Variants in PATJ observed in about 807,000 individuals in gnomAD.
PATJ encodes the protein PATJ crumbs cell polarity complex component, also known as inaD-like protein.
In PATJ, 190 loss-of-function variants were observed where a neutral mutation model predicts 224.9. The observed-to-expected ratio is 0.84, with a 90% CI of 0.75 to 0.95. The LOEUF (loss-of-function observed/expected upper bound fraction) is 0.95, where lower values mean the gene tolerates loss of function less well. PATJ is among the 40% of genes least tolerant of loss of function. PATJ has a pLI of 0.00. For missense variants in PATJ, 2,121 were observed against 2,270.3 expected, an observed-to-expected ratio of 0.93 and a Z score of 1.34; for synonymous variants, 769 against 820.3, an observed-to-expected ratio of 0.94 and a Z score of 1.07.
intron 13 of PATJ, among the ~76,000 whole-genome samples, chr1:61,806,199 T>C (rs1294912394): frequency 2.0e-5 from 3 of 152,242 alleles, no homozygotes. Context: ...TTTACATTTC[T>C]ACTCTCATTC....
At chr1:61,824,963 A>T (rs930107659) in intron 15 of PATJ, among the ~76,000 whole-genome samples, 1 of 152,152 alleles carries the variant, frequency 6.6e-6, no homozygotes, top group Non-Finnish European at 1.5e-5. Context: ...AAATATAGAT[A>T]ATCTGGTGAA....
chr1:62,038,131 T>G (rs1650792829), intron 30 of PATJ, 82 bp downstream of exon 30: 1 of 879,780 alleles, frequency 1.1e-6, no homozygotes, highest in Admixed American at 2.1e-5. Context: ...TTTTTGATAT[T>G]CAGTATTTGG....
intron 31 of PATJ, among the ~76,000 whole-genome samples, chr1:62,075,760 T>C (rs1658182972): frequency 6.6e-6 from 1 of 151,596 alleles, no homozygotes; most frequent in Non-Finnish European, 1.5e-5. Context: ...CTACTAAAAA[T>C]ACAAAAAATT....
intron 31 of PATJ, among the ~76,000 whole-genome samples, chr1:62,071,552 G>A (rs1402709763): frequency 1.4e-5 from 2 of 147,714 alleles, no homozygotes; most frequent in Admixed American, 6.9e-5. Context: ...GAGTGCAGTG[G>A]TGCAATCTCA....
intron 8 of PATJ, among the ~76,000 whole-genome samples, chr1:61,790,583 G>A (rs535040363): frequency 7.1e-6 from 1 of 141,646 alleles, no homozygotes; most frequent in Non-Finnish European, 1.5e-5. Flanking sequence ...GTGTGATCTC[G>A]GCTCACTGCA....
chr1:61,867,811 G>A (rs1274804369), intron 20 of PATJ, among the ~76,000 whole-genome samples: 1 of 152,020 alleles, frequency 6.6e-6, no homozygotes, highest in Non-Finnish European at 1.5e-5. Flanking sequence ...TGCCCCCATT[G>A]TATTGCTGAT....
rs141802668 is a variant in PATJ at position 62,112,877 on chromosome 1, G to A, written c.4462-1176G>A. Among the ~76,000 whole-genome samples, 260 of 152,296 alleles carry A rather than the reference G, an allele frequency of 1.7e-3. 3 individuals carry two copies. The highest frequency in any genetic ancestry group is 5.6e-3 in the African/African-American group (234 of 41,562). On this transcript the variant is annotated intron_variant, in intron 34 of 43. Transcript: ENST00000642238. The stretch of plus-strand genomic sequence containing the variant: ...CATTCTAAGAGTTAATGATGAGGCA[G>A]CATGGAATAGGAACTGAGGGTGGAA...
At chr1:62,030,461 C>T (rs1323626510) in intron 29 of PATJ, among the ~76,000 whole-genome samples, 1 of 152,056 alleles carries the variant, frequency 6.6e-6, no homozygotes, top group Non-Finnish European at 1.5e-5. Flanking sequence ...TGTGCCTTTG[C>T]TTATATTCAT....
At chr1:61,893,488 T>G (rs1274438123) in intron 22 of PATJ, among the ~76,000 whole-genome samples, 2 of 89,316 alleles carry the variant, frequency 2.2e-5, no homozygotes, top group African/African-American at 1.2e-4. Flanking sequence ...TTAGGGTGTT[T>G]TTTTTTTTTT....
intron 28 of PATJ, among the ~76,000 whole-genome samples, chr1:61,999,110 G>A (rs1645588703): frequency 6.6e-6 from 1 of 151,824 alleles, no homozygotes; most frequent in Admixed American, 6.6e-5. Context: ...AAAAAATAGC[G>A]ACAGGAATGT....
intron 8 of PATJ, 105 bp downstream of exon 8, chr1:61,788,077 G>A (rs368995512): frequency 3.6e-6 from 3 of 827,324 alleles, no homozygotes; most frequent in South Asian, 3.7e-5. Context: ...TGTGAGTTGT[G>A]CGCTCACTAG....
intron 41 of PATJ, among the ~76,000 whole-genome samples, chr1:62,135,287 TG>T (rs111837829): frequency 4.6e-5 from 7 of 150,888 alleles, no homozygotes; most frequent in South Asian, 2.1e-4. Context: ...GAGGCCGAGG[TG>T]GGGGGGATCG....
At chr1:61,748,830 T>C (rs1398605329) in intron 1 of PATJ, among the ~76,000 whole-genome samples, 1 of 152,042 alleles carries the variant, frequency 6.6e-6, no homozygotes. Context: ...CTAGTTTTTG[T>C]TTTTGTAGAG....
At chr1:62,009,446 G>A (rs371563538) in intron 28 of PATJ, among the ~76,000 whole-genome samples, 12 of 152,114 alleles carry the variant, frequency 7.9e-5, no homozygotes, top group African/African-American at 2.9e-4. Context: ...TCTAAAAATT[G>A]CTAACGATCA....
chr1:61,838,017 T>C (rs1272394038), intron 17 of PATJ, among the ~76,000 whole-genome samples: 1 of 152,142 alleles, frequency 6.6e-6, no homozygotes, highest in Non-Finnish European at 1.5e-5. Context: ...GTGTGAAAAT[T>C]CATTTCATTA....
chr1:61,929,333 T>G (rs530016689), intron 27 of PATJ, among the ~76,000 whole-genome samples: 8 of 152,224 alleles, frequency 5.3e-5, no homozygotes, highest in African/African-American at 1.9e-4. Context: ...TGTGAGTTTT[T>G]GGAAAAGTTA....
At chr1:61,825,008 A>G (rs1200374549) in intron 15 of PATJ, among the ~76,000 whole-genome samples, 1 of 152,178 alleles carries the variant, frequency 6.6e-6, no homozygotes, top group African/African-American at 2.4e-5. Flanking sequence ...ACAGATTTGG[A>G]GTCAGAAAAG....
In PATJ at chr1:62,106,117, CACAA is replaced by C. The variant is rs1475117976; in HGVS notation, c.4378-2316_4378-2313del. 5.5e-5 allele frequency among the ~76,000 whole-genome samples: 5 copies of C among 90,518 alleles called. No homozygotes were observed. In the East Asian group the frequency reaches 1.2e-3, roughly 22 times the overall value. The allele number at this position is 90,518 out of a possible 152,430, so 59.4% of individuals were successfully genotyped here. ...ACACACACACACACACACACACACACACAAACACACATATATACATGTGTATATG... is the reference window on the plus strand; with the variant it reads ...ACACACACACACACACACACACACACACACACATATATACATGTGTATATG... On this transcript the variant is annotated intron_variant, in intron 33 of 43. Transcript: ENST00000642238.
chr1:62,014,835 A>G (rs7513339), intron 28 of PATJ, among the ~76,000 whole-genome samples: 1,883 of 152,182 alleles, frequency 0.012, 39 homozygotes, highest in African/African-American at 0.042. Flanking sequence ...GCAAAGTGCT[A>G]GGATTACAGC....
Sources: allele counts gnomAD v4.1 joint callset (sites outside exome capture counted in the v4.1 genomes callset), GRCh38; gene constraint gnomAD v4.1.1; transcripts MANE v1.5; gene names NCBI Gene and HGNC (gene_info 2026-07-23, HGNC 2026-07-21).